TENM1: variants seen among roughly 807,000 people sequenced by gnomAD.
TENM1 encodes the protein teneurin-1.
Under a neutral mutation model 174.8 loss-of-function variants are expected in TENM1, and 35 were observed. That is an observed-to-expected ratio of 0.20 (90% CI 0.15 to 0.27). The LOEUF (loss-of-function observed/expected upper bound fraction) is 0.27. TENM1 is among the 10% of genes least tolerant of loss of function. The probability of loss-of-function intolerance (pLI) is 1.00; values close to 1 mark genes in which losing one functional copy is unlikely to be tolerated. For synonymous variants in TENM1, 781 were observed against 798.7 expected, an observed-to-expected ratio of 0.98 and a Z score of 0.37; for missense variants, 1,633 against 2,130.1, an observed-to-expected ratio of 0.77 and a Z score of 4.59.
chrX:124,557,991 TTGATTAAAGA>T (rs1415029599), intron 14 of TENM1, among the ~76,000 whole-genome samples: 1 of 112,259 alleles, frequency 8.9e-6, no homozygotes, highest in Non-Finnish European at 1.9e-5. Flanking sequence ...TAGGTGCTTC[TTGATTAAAGA>T]GATGAATGAG....
chrX:124,689,698 T>C (rs1403649773), intron 5 of TENM1, among the ~76,000 whole-genome samples: 1 of 111,037 alleles, frequency 9.0e-6, no homozygotes, highest in South Asian at 3.8e-4. Flanking sequence ...GCCCTCCTTA[T>C]CAGTGAGGAA....
intron 1 of TENM1, among the ~76,000 whole-genome samples, chrX:124,923,583 A>G (rs911841824): frequency 4.0e-4 from 45 of 112,154 alleles, no homozygotes; most frequent in African/African-American, 1.3e-3. Flanking sequence ...GTTACATGGC[A>G]AAGGGAAATG....
chrX:125,158,395 C>G, the TENM1 span, among the ~76,000 whole-genome samples: 1 of 49,946 alleles, frequency 2.0e-5, no homozygotes, highest in East Asian at 6.8e-4. Context: ...GAGCAAGAAT[C>G]CATCTCAAAA....
intron 22 of TENM1, among the ~76,000 whole-genome samples, chrX:124,475,593 C>G (rs1268399204): frequency 8.9e-6 from 1 of 112,182 alleles, no homozygotes; most frequent in East Asian, 2.8e-4. Context: ...GCAATAGCTA[C>G]AAATGTGTGA....
At chrX:124,515,668 A>T (rs1355460350) in intron 18 of TENM1, among the ~76,000 whole-genome samples, 1 of 111,109 alleles carries the variant, frequency 9.0e-6, no homozygotes, top group Non-Finnish European at 1.9e-5. Context: ...AGAGAATTAC[A>T]AAACCACTGC....
chrX:124,690,455 T>G (rs919150290), intron 5 of TENM1, among the ~76,000 whole-genome samples: 1 of 108,794 alleles, frequency 9.2e-6, no homozygotes, highest in African/African-American at 3.4e-5. Flanking sequence ...AATAAAAAAA[T>G]TTTTAGATTT....
At chrX:124,907,416 G>C (rs1337242854) in intron 1 of TENM1, among the ~76,000 whole-genome samples, 1 of 112,143 alleles carries the variant, frequency 8.9e-6, no homozygotes, top group African/African-American at 3.2e-5. Context: ...AGATTCATGG[G>C]CCAATCTGGG....
At chrX:124,666,292 A>G (rs954408986) in intron 6 of TENM1, among the ~76,000 whole-genome samples, 2 of 111,178 alleles carry the variant, frequency 1.8e-5, no homozygotes, top group African/African-American at 6.6e-5. Flanking sequence ...CCAGTGTTCT[A>G]TTTTGGCATC....
the TENM1 span, among the ~76,000 whole-genome samples, chrX:125,159,081 A>G: frequency 8.9e-6 from 1 of 111,808 alleles, no homozygotes; most frequent in African/African-American, 3.3e-5. Flanking sequence ...ACAACTAACC[A>G]GTAGTAAACA....
intron 1 of TENM1, among the ~76,000 whole-genome samples, chrX:124,903,379 A>G (rs1217339219): frequency 9.0e-6 from 1 of 111,610 alleles, no homozygotes; most frequent in Non-Finnish European, 1.9e-5. Context: ...ACAATGAATT[A>G]AAAATCTGTA....
the TENM1 span, among the ~76,000 whole-genome samples, chrX:125,155,876 T>G: frequency 1.8e-5 from 2 of 112,210 alleles, no homozygotes; most frequent in African/African-American, 6.5e-5. Context: ...GGGAGCCGGC[T>G]CTGGCCTCGG....
At chrX:124,576,426 T>C (rs1274460064) in intron 11 of TENM1, among the ~76,000 whole-genome samples, 1 of 98,369 alleles carries the variant, frequency 1.0e-5, no homozygotes, top group African/African-American at 3.8e-5. Context: ...TGCTCAGCCA[T>C]GGCAGAGTTT....
At chrX:124,776,433 C>A (rs1204314766) in intron 3 of TENM1, among the ~76,000 whole-genome samples, 2 of 111,575 alleles carry the variant, frequency 1.8e-5, no homozygotes, top group South Asian at 3.7e-4. Context: ...GGATAATGAT[C>A]AAAATTAAAA....
rs148807271 is a variant in TENM1 at position 124,597,734 on chromosome X, A to G, written c.2078-32174T>C. Among the ~76,000 whole-genome samples the G allele has an allele frequency of 4.2e-3, 473 of 111,657 alleles. 3 individuals are homozygous for G. Among genetic ancestry groups the G allele is most frequent in the African/African-American group, 0.015 (450 of 30,765 alleles). On this transcript the variant is annotated intron_variant, in intron 11 of 31. Transcript: ENST00000422452. ...CACCATGTACAAAGATCAAATCAAA[A>G]TGGATTAGAGACTTAAATCTAAGAC...
chrX:125,174,468 T>C, the TENM1 span, among the ~76,000 whole-genome samples: 1 of 110,836 alleles, frequency 9.0e-6, no homozygotes, highest in Non-Finnish European at 1.9e-5. Context: ...CAAAGAGAAA[T>C]TGGTTCATCT....
intron 3 of TENM1, among the ~76,000 whole-genome samples, chrX:124,833,855 C>G (rs1244111024): frequency 9.0e-6 from 1 of 110,753 alleles, no homozygotes; most frequent in Non-Finnish European, 1.9e-5. Context: ...TAATAGCATG[C>G]TAAATACACA....
chrX:124,913,128 C>T (rs2057863248), intron 1 of TENM1, among the ~76,000 whole-genome samples: 2 of 110,979 alleles, frequency 1.8e-5, no homozygotes, highest in South Asian at 7.6e-4. Context: ...AAAAGAGATA[C>T]TGGATTTTTA....
At chrX:124,929,619 G>C (rs1281282977) in intron 1 of TENM1, among the ~76,000 whole-genome samples, 2 of 111,990 alleles carry the variant, frequency 1.8e-5, no homozygotes, top group African/African-American at 6.5e-5. Context: ...CTTATGCCAG[G>C]TTTTCCACTG....
chrX:124,674,806 T>C (rs2052024195), intron 5 of TENM1, among the ~76,000 whole-genome samples: 1 of 111,447 alleles, frequency 9.0e-6, no homozygotes, highest in Non-Finnish European at 1.9e-5. Context: ...AATTTGAATA[T>C]GATGGATAGT....
Sources: gnomAD v4.1 joint callset for allele counts (sites outside exome capture counted in the v4.1 genomes callset) on GRCh38, gnomAD v4.1.1 for gene constraint, MANE v1.5 for transcripts, NCBI Gene and HGNC (gene_info 2026-07-23, HGNC 2026-07-21) for gene names.